KIAA1217: variants seen among roughly 807,000 people sequenced by gnomAD.
The protein encoded by KIAA1217 is sickle tail protein homolog.
A neutral mutation model predicts 163.9 loss-of-function variants in KIAA1217; 88 were observed. The observed-to-expected ratio is 0.54, with a 90% CI of 0.45 to 0.64. The LOEUF (loss-of-function observed/expected upper bound fraction) is 0.64, where lower values mean the gene tolerates loss of function less well. KIAA1217 is among the 30% of genes least tolerant of loss of function. KIAA1217 has a pLI of 0.00. For missense variants in KIAA1217, 2,372 were observed against 2,475.0 expected (o/e 0.96, Z 0.88); for synonymous variants, 903 against 923.1 (o/e 0.98, Z 0.39).
intron 2 of KIAA1217, among the ~76,000 whole-genome samples, chr10:24,100,482 T>A (rs966824583): frequency 1.3e-5 from 2 of 152,226 alleles, no homozygotes; most frequent in African/African-American, 2.4e-5. Flanking sequence ...ACCATCACCC[T>A]ATCATAATAG....
At chr10:23,818,171 C>T (rs142335532) in intron 1 of KIAA1217, among the ~76,000 whole-genome samples, 3 of 141,680 alleles carry the variant, frequency 2.1e-5, no homozygotes, top group African/African-American at 2.6e-5. Context: ...TTGCCATGTA[C>T]GATGACATCA....
intron 2 of KIAA1217, among the ~76,000 whole-genome samples, chr10:24,317,832 A>G (rs1698087363): frequency 6.6e-6 from 1 of 152,204 alleles, no homozygotes; most frequent in South Asian, 2.1e-4. Context: ...TGACCTAACA[A>G]TTTAGTGGCC....
At chr10:23,880,986 G>A (rs957605298) in intron 1 of KIAA1217, among the ~76,000 whole-genome samples, 1 of 151,854 alleles carries the variant, frequency 6.6e-6, no homozygotes, top group Non-Finnish European at 1.5e-5. Context: ...GAGCCACAGA[G>A]TTGAAGCTAT....
intron 2 of KIAA1217, among the ~76,000 whole-genome samples, chr10:24,181,082 C>T (rs2066149618): frequency 2.0e-5 from 3 of 152,190 alleles, no homozygotes; most frequent in Admixed American, 1.3e-4. Context: ...ACGTTAGGAG[C>T]TGGTTACCTG....
intron 2 of KIAA1217, among the ~76,000 whole-genome samples, chr10:24,096,782 C>T (rs940523553): frequency 4.6e-5 from 7 of 152,196 alleles, no homozygotes; most frequent in Non-Finnish European, 8.8e-5. Context: ...ACTAGATTTG[C>T]TTCCCTTATT....
chr10:24,265,836 G>C (rs1002882051), intron 2 of KIAA1217, among the ~76,000 whole-genome samples: 2 of 152,240 alleles, frequency 1.3e-5, no homozygotes, highest in Admixed American at 6.5e-5. Context: ...AGTAAGAAAA[G>C]ATAAGGAATG....
At chr10:24,092,431 G>A (rs2061969296) in intron 2 of KIAA1217, among the ~76,000 whole-genome samples, 1 of 151,722 alleles carries the variant, frequency 6.6e-6, no homozygotes, top group Non-Finnish European at 1.5e-5. Flanking sequence ...ATAACCTAAT[G>A]TTCAAACAAA....
At chr10:23,940,601 T>A (rs762991200) in intron 1 of KIAA1217, among the ~76,000 whole-genome samples, 3 of 151,798 alleles carry the variant, frequency 2.0e-5, no homozygotes, top group Non-Finnish European at 4.4e-5. Flanking sequence ...CTAAGGAACA[T>A]GTATAAACAT....
At chr10:24,133,050 A>T (rs2063710213) in intron 2 of KIAA1217, among the ~76,000 whole-genome samples, 1 of 151,902 alleles carries the variant, frequency 6.6e-6, no homozygotes, top group Non-Finnish European at 1.5e-5. Flanking sequence ...ATGAGGATGC[A>T]TCTAATATGG....
At chr10:24,545,319 C>G in intron 20 of KIAA1217, 1 of 1,401,704 alleles carries the variant, frequency 7.1e-7, no homozygotes, top group Non-Finnish European at 9.3e-7. Context: ...CTTTGTGACT[C>G]CAAACTCCAA....
chr10:23,706,218 A>C (rs114828276), intron 1 of KIAA1217, among the ~76,000 whole-genome samples: 3,376 of 151,976 alleles, frequency 0.022, 103 homozygotes, highest in African/African-American at 0.075. Context: ...AGTTTTATTT[A>C]TTTCTTTCTA....
chr10:24,543,225 G>T lies in KIAA1217; in HGVS notation c.3955G>T (p.Val1319Phe). ...AAAGCAAAATACGGATAAGTGTCAC[G>T]TTTCCTCTCACACTAGACTAACAGA... ...MEKQNTDKCH[V>F]SSHTRLTESS... is the part of the protein sequence containing the mutation. The change falls in exon 19 of 21, where the codon GTT becomes TTT. Residue 1319 changes from valine (V) to phenylalanine (F), a missense_variant. Around this residue, in one of 3 missense-constraint regions of KIAA1217, gnomAD observed 251 missense variants for 327.3 expected, o/e 0.77. Transcript: ENST00000376454. The T allele has an allele frequency of 6.2e-7, 1 of 1,613,626 alleles. No individual in the cohort carries two copies. Among genetic ancestry groups the T allele is most frequent in the Non-Finnish European group, 8.5e-7 (1 of 1,179,980 alleles).
intron 1 of KIAA1217, among the ~76,000 whole-genome samples, chr10:23,964,882 T>C (rs528543317): frequency 6.6e-6 from 1 of 152,264 alleles, no homozygotes; most frequent in Admixed American, 6.5e-5. Flanking sequence ...TCCAGTGCCT[T>C]AGACCACTTG....
chr10:23,780,865 G>T (rs1008281844), intron 1 of KIAA1217, among the ~76,000 whole-genome samples: 7 of 152,144 alleles, frequency 4.6e-5, no homozygotes, highest in Admixed American at 3.3e-4. Context: ...ATTTTTAGTA[G>T]AGACTGGGTT....
intron 2 of KIAA1217, among the ~76,000 whole-genome samples, chr10:24,182,983 C>T (rs1044015801): frequency 6.6e-6 from 1 of 152,168 alleles, no homozygotes; most frequent in Non-Finnish European, 1.5e-5. Context: ...GTGTTTAGGT[C>T]ATAGATGCAG....
Position 24,533,102 on chromosome 10 carries a change from G to T in KIAA1217, c.3279G>T (p.Gln1093His). ...GTGAAGATGCTGGACCAAGCCCACA[G>T]ACCAGAGCTACAAAATATCCAGCAG... ...ASSEDAGPSP[Q>H]TRATKYPAEE... Residue 1093 changes from glutamine to histidine, a missense_variant, in exon 16 of 21, where the codon CAG (glutamine) becomes CAT (histidine). Around this residue, in one of 3 missense-constraint regions of KIAA1217, gnomAD observed 1,431 missense variants for 1,470.3 expected, o/e 0.97. Coordinates refer to ENST00000376454, the MANE Select transcript of KIAA1217 (RefSeq NM_019590.5). The T allele has an allele frequency of 2.5e-6, 4 of 1,613,662 alleles. No homozygotes were observed. The highest frequency in any genetic ancestry group is 4.5e-5 in the East Asian group (2 of 44,856).
At chr10:24,272,786 T>G (rs1489406288) in intron 2 of KIAA1217, among the ~76,000 whole-genome samples, 1 of 152,188 alleles carries the variant, frequency 6.6e-6, no homozygotes, top group Non-Finnish European at 1.5e-5. Context: ...TATTCAAGGG[T>G]TTTTTTCCCC....
At chr10:23,929,463 C>A (rs1843163991) in intron 1 of KIAA1217, among the ~76,000 whole-genome samples, 1 of 152,092 alleles carries the variant, frequency 6.6e-6, no homozygotes, top group Admixed American at 6.6e-5. Context: ...TGCTCACTTC[C>A]CTCCTTCCTC....
chr10:24,057,039 C>T (rs2060554532), intron 2 of KIAA1217, among the ~76,000 whole-genome samples: 3 of 151,540 alleles, frequency 2.0e-5, no homozygotes, highest in Admixed American at 2.0e-4. Context: ...GTAATCCTAA[C>T]AGAATACCAG....
Sources: allele counts gnomAD v4.1 joint callset (sites outside exome capture counted in the v4.1 genomes callset), GRCh38; gene constraint gnomAD v4.1.1; regional missense constraint gnomAD v4.1.1; transcripts MANE v1.5; gene names NCBI Gene and HGNC (gene_info 2026-07-23, HGNC 2026-07-21).